DHRSX: variants seen among roughly 807,000 people sequenced by gnomAD.
DHRSX encodes the protein polyprenol dehydrogenase.
Under a neutral mutation model 34.0 loss-of-function variants are expected in DHRSX, and 31 were observed. The observed-to-expected ratio is 0.91, with a 90% CI of 0.69 to 1.23. The LOEUF is 1.23. DHRSX is among the 50% of genes most tolerant of loss of function. The pLI, the probability that DHRSX is intolerant of heterozygous loss-of-function variation, is 0.00. For missense variants in DHRSX, 414 were observed against 428.1 expected, an observed-to-expected ratio of 0.97 and a Z score of 0.29; for synonymous variants, 201 against 183.8, an observed-to-expected ratio of 1.09 and a Z score of -0.76.
chrX:2,262,148 C>T (rs950035947), intron 5 of DHRSX, among the ~76,000 whole-genome samples: 44 of 152,216 alleles, frequency 2.9e-4, no homozygotes, highest in African/African-American at 9.6e-4. Context: ...GGAAGCCAGT[C>T]ATGGCAGGGC....
At chrX:2,428,020 C>A (rs1378318439) in intron 1 of DHRSX, among the ~76,000 whole-genome samples, 3 of 152,094 alleles carry the variant, frequency 2.0e-5, no homozygotes, top group Non-Finnish European at 4.4e-5. Context: ...AAGTCAAGTA[C>A]CACATGTTAT....
chrX:2,256,899 G>A (rs1176285941), intron 5 of DHRSX, among the ~76,000 whole-genome samples: 4 of 151,968 alleles, frequency 2.6e-5, no homozygotes, highest in African/African-American at 7.2e-5. Context: ...TCCAAACTTC[G>A]GGTTTAGGAG....
At chrX:2,485,807 G>GAAGGGAGAA (rs1364040138) in intron 1 of DHRSX, among the ~76,000 whole-genome samples, 4 of 51,380 alleles carry the variant, frequency 7.8e-5, no homozygotes, top group Non-Finnish European at 1.6e-4. Context: ...GAGAAGGAAG[G>GAAGGGAGAA]AAGGGAGAGA....
At chrX:2,242,196 T>C (rs1420444836) in intron 6 of DHRSX, among the ~76,000 whole-genome samples, 1 of 152,128 alleles carries the variant, frequency 6.6e-6, no homozygotes. Flanking sequence ...ATTTTGTGCG[T>C]TGATTTTTCA....
chrX:2,306,952 G>C (rs762724542), intron 3 of DHRSX, among the ~76,000 whole-genome samples: 2 of 144,464 alleles, frequency 1.4e-5, no homozygotes, highest in African/African-American at 5.2e-5. Flanking sequence ...TGATTGATAG[G>C]TTTTTGTAAA....
chrX:2,330,792 GAA>G (rs202012323), intron 3 of DHRSX, among the ~76,000 whole-genome samples: 4,208 of 151,994 alleles, frequency 0.028, 56 homozygotes, highest in East Asian at 0.045. Flanking sequence ...AAGAGAATGA[GAA>G]AGAGAGAATG....
chrX:2,407,138 A>G (rs757839611), intron 3 of DHRSX, among the ~76,000 whole-genome samples: 114 of 152,346 alleles, frequency 7.5e-4, no homozygotes, highest in African/African-American at 2.5e-3. Context: ...ACTGGAGGCC[A>G]TTACCCTAAG....
intron 3 of DHRSX, among the ~76,000 whole-genome samples, chrX:2,311,097 C>T (rs1182716582): frequency 2.7e-5 from 4 of 147,782 alleles, no homozygotes; most frequent in Non-Finnish European, 4.5e-5. Context: ...AGGAGAGAGA[C>T]ACAGAAACTG....
intron 1 of DHRSX, among the ~76,000 whole-genome samples, chrX:2,438,196 CT>C: frequency 7.1e-6 from 1 of 140,772 alleles, no homozygotes; most frequent in Admixed American, 7.2e-5. Context: ...AAAAAAAAAC[CT>C]GAATGGTCAT....
chrX:2,458,758 A>C (rs890898316), intron 1 of DHRSX, among the ~76,000 whole-genome samples: 1 of 152,002 alleles, frequency 6.6e-6, no homozygotes, highest in Non-Finnish European at 1.5e-5. Context: ...AATGCTATGG[A>C]AGGCTGAGGA....
At chrX:2,310,030 C>T (rs1368670222) in intron 3 of DHRSX, among the ~76,000 whole-genome samples, 1 of 152,176 alleles carries the variant, frequency 6.6e-6, no homozygotes, top group Admixed American at 6.6e-5. Flanking sequence ...ACAGCCAACA[C>T]AGCCCCTGAA....
chrX:2,317,709 C>G (rs975729014), intron 3 of DHRSX, among the ~76,000 whole-genome samples: 1 of 152,106 alleles, frequency 6.6e-6, no homozygotes, highest in Admixed American at 6.6e-5. Context: ...TCTGAATACA[C>G]ATTTTACATG....
At chrX:2,362,751 G>T (rs1160860807) in intron 3 of DHRSX, among the ~76,000 whole-genome samples, 3 of 149,700 alleles carry the variant, frequency 2.0e-5, no homozygotes, top group South Asian at 2.1e-4. Flanking sequence ...CCGTTCTATG[G>T]TATCATGCCG....
chrX:2,330,154 G>T (rs993309182), intron 3 of DHRSX, among the ~76,000 whole-genome samples: 2 of 132,626 alleles, frequency 1.5e-5, no homozygotes, highest in African/African-American at 5.7e-5. Flanking sequence ...GGAGGAGAAA[G>T]GAAGGAGGAG....
chrX:2,233,495 T>C (rs1401003696), intron 6 of DHRSX, among the ~76,000 whole-genome samples: 1 of 152,036 alleles, frequency 6.6e-6, no homozygotes, highest in Non-Finnish European at 1.5e-5. Flanking sequence ...ATCTTTGAAG[T>C]TCCAGACGCC....
At chrX:2,382,493 C>T (rs1437571619) in intron 3 of DHRSX, among the ~76,000 whole-genome samples, 1 of 150,262 alleles carries the variant, frequency 6.7e-6, no homozygotes, top group Admixed American at 6.7e-5. Context: ...CCACCACCAT[C>T]ATCATTACCA....
At chrX:2,245,063 G>C (rs1361031160) in intron 5 of DHRSX, among the ~76,000 whole-genome samples, 2 of 152,050 alleles carry the variant, frequency 1.3e-5, no homozygotes, top group Non-Finnish European at 1.5e-5. Context: ...GCTGTGAACA[G>C]AAAATATCTG....
At chrX:2,282,754 GAA>G (rs2041733233) in intron 4 of DHRSX, among the ~76,000 whole-genome samples, 1 of 135,032 alleles carries the variant, frequency 7.4e-6, no homozygotes, top group East Asian at 2.3e-4. Context: ...GGGAGAGAGA[GAA>G]GAGGGGAGAA....
intron 3 of DHRSX, among the ~76,000 whole-genome samples, chrX:2,337,135 G>A (rs943409727): frequency 3.9e-5 from 6 of 152,092 alleles, no homozygotes; most frequent in South Asian, 4.1e-4. Context: ...AACCAGAAAA[G>A]CCAACAAAGC....
Sources: gnomAD v4.1 joint callset for allele counts (sites outside exome capture counted in the v4.1 genomes callset) on GRCh38, gnomAD v4.1.1 for gene constraint, MANE v1.5 for transcripts, NCBI Gene and HGNC (gene_info 2026-07-23, HGNC 2026-07-21) for gene names.